The following INPP4B variants were observed in gnomAD, a reference collection of about 807,000 sequenced individuals.
INPP4B encodes inositol polyphosphate-4-phosphatase type II B.
A neutral mutation model predicts 122.5 loss-of-function variants in INPP4B; 55 were observed. The observed-to-expected ratio is 0.45, with a 90% confidence interval of 0.36 to 0.56. INPP4B has a LOEUF of 0.56. Among genes scored for constraint, INPP4B ranks in the 20% least tolerant of loss-of-function variants. INPP4B has a pLI of 0.00. For synonymous variants in INPP4B, 403 were observed against 388.7 expected, an observed-to-expected ratio of 1.04 and a Z score of -0.43; for missense variants, 1,000 against 1,097.7, an observed-to-expected ratio of 0.91 and a Z score of 1.26.
chr4:142,298,449 GGCCGA>G (rs141892775), intron 9 of INPP4B, among the ~76,000 whole-genome samples: 11,672 of 151,914 alleles, frequency 0.077, 582 homozygotes, highest in Middle Eastern at 0.15. Flanking sequence ...CACTTTGGGA[GGCCGA>G]GTTGGGTAGA....
chr4:142,737,228 T>G (rs1304456705), intron 1 of INPP4B, among the ~76,000 whole-genome samples: 1 of 152,122 alleles, frequency 6.6e-6, no homozygotes, highest in Non-Finnish European at 1.5e-5. Flanking sequence ...AAGGCTACAG[T>G]AACCAAAACA....
intron 2 of INPP4B, among the ~76,000 whole-genome samples, chr4:142,719,308 G>T (rs1764200283): frequency 6.6e-6 from 1 of 151,768 alleles, no homozygotes; most frequent in South Asian, 2.1e-4. Context: ...TTGAACATTG[G>T]CCAATACTAC....
intron 1 of INPP4B, among the ~76,000 whole-genome samples, chr4:142,814,123 C>G (rs1226988336): frequency 6.6e-6 from 1 of 152,138 alleles, no homozygotes; most frequent in Non-Finnish European, 1.5e-5. Context: ...GGGTGTTCCA[C>G]CATTACTGTG....
In INPP4B at chr4:142,666,567, C is replaced by T. The variant is rs544152765; in HGVS notation, c.-191+59272G>A. Among the ~76,000 whole-genome samples, 22 of 151,640 alleles carry T rather than the reference C, an allele frequency of 1.5e-4. No individual in the cohort carries two copies. The Middle Eastern group carries it at 0.014, about 94-fold the overall frequency. ...AATACAATATCAAGCAAAAAAGAACCCTACCAAATATTAGAATATCTCAAT... is the reference window on the plus strand; with the variant it reads ...AATACAATATCAAGCAAAAAAGAACTCTACCAAATATTAGAATATCTCAAT... On this transcript the variant is annotated intron_variant, in intron 2 of 25. Coordinates refer to ENST00000262992, the MANE Select transcript of INPP4B (RefSeq NM_001101669.3).
chr4:142,576,263 C>A (rs1222921054), intron 2 of INPP4B, among the ~76,000 whole-genome samples: 3 of 151,864 alleles, frequency 2.0e-5, no homozygotes, highest in Non-Finnish European at 4.4e-5. Flanking sequence ...TTGTAAAGGG[C>A]AGAAATAAAA....
chr4:142,314,167 G>A (rs1766603016), intron 8 of INPP4B, among the ~76,000 whole-genome samples: 1 of 152,188 alleles, frequency 6.6e-6, no homozygotes, highest in Non-Finnish European at 1.5e-5. Context: ...CCTTGTCTAA[G>A]CAGAAAGCAC....
At chr4:142,477,510 A>G (rs1580166020) in intron 2 of INPP4B, among the ~76,000 whole-genome samples, 1 of 152,166 alleles carries the variant, frequency 6.6e-6, no homozygotes, top group African/African-American at 2.4e-5. Flanking sequence ...TGAAAAATAA[A>G]TAAGAATAAA....
chr4:142,551,216 C>T (rs938593372), intron 2 of INPP4B, among the ~76,000 whole-genome samples: 2 of 152,204 alleles, frequency 1.3e-5, no homozygotes, highest in African/African-American at 4.8e-5. Context: ...TGTCCCCATA[C>T]TCAATCCATG....
intron 7 of INPP4B, among the ~76,000 whole-genome samples, chr4:142,362,175 G>A (rs994706775): frequency 3.3e-5 from 5 of 152,004 alleles, no homozygotes. Flanking sequence ...GCGTGGGTGG[G>A]AGCCAACTCA....
chr4:142,198,094 A>G (rs189702914), intron 14 of INPP4B, among the ~76,000 whole-genome samples: 2 of 151,968 alleles, frequency 1.3e-5, no homozygotes, highest in African/African-American at 4.8e-5. Flanking sequence ...CTAAACATTC[A>G]TTGTTAATTG....
intron 25 of INPP4B, among the ~76,000 whole-genome samples, chr4:142,072,475 A>G (rs1768040147): frequency 6.6e-6 from 1 of 151,320 alleles, no homozygotes; most frequent in Admixed American, 6.6e-5. Context: ...CTTAAAGGAT[A>G]ATAATAAAAA....
Position 142,055,462 on chromosome 4 carries a change from TC to T in INPP4B, c.2643-26549del, listed in dbSNP as rs1757116256. On this transcript the variant is annotated intron_variant, in intron 25 of 25. Coordinates refer to ENST00000262992, the MANE Select transcript of INPP4B (RefSeq NM_001101669.3). ...GTCATTGTCAAATAGGGAAGTTTTT[TC>T]CTATTGTTTATCTGATTCTTATATG... Among the ~76,000 whole-genome samples the T allele has an allele frequency of 2.0e-5, 3 of 152,068 alleles. No individual in the cohort carries two copies. In the South Asian group the frequency reaches 6.2e-4, roughly 31 times the overall value.
intron 2 of INPP4B, among the ~76,000 whole-genome samples, chr4:142,558,792 C>T (rs1455398071): frequency 4.0e-5 from 1 of 25,206 alleles, no homozygotes; most frequent in African/African-American, 1.4e-4. Flanking sequence ...AAGACTCCCT[C>T]TAAAAAAAAA....
chr4:142,538,410 C>T (rs1828539486), intron 2 of INPP4B, among the ~76,000 whole-genome samples: 1 of 151,938 alleles, frequency 6.6e-6, no homozygotes, highest in Admixed American at 6.6e-5. Context: ...GAATTATATG[C>T]ATGTGAGTAT....
intron 25 of INPP4B, among the ~76,000 whole-genome samples, chr4:142,038,105 T>C (rs1041212214): frequency 6.6e-6 from 1 of 152,172 alleles, no homozygotes; most frequent in Non-Finnish European, 1.5e-5. Context: ...CGAAATACTC[T>C]AGATAATTTG....
At chr4:142,703,740 G>A (rs746471498) in intron 2 of INPP4B, among the ~76,000 whole-genome samples, 2 of 152,160 alleles carry the variant, frequency 1.3e-5, no homozygotes, top group Non-Finnish European at 2.9e-5. Context: ...CTCTCTGAGG[G>A]CAGAATGCAT....
chr4:142,313,568 G>A (rs1038024198), intron 8 of INPP4B, among the ~76,000 whole-genome samples: 1 of 152,184 alleles, frequency 6.6e-6, no homozygotes, highest in Non-Finnish European at 1.5e-5. Context: ...CAGGCTGACA[G>A]AGGTCCATCT....
chr4:142,347,723 A>G (rs1216643182), intron 7 of INPP4B, among the ~76,000 whole-genome samples: 24 of 152,056 alleles, frequency 1.6e-4, no homozygotes, highest in Non-Finnish European at 1.3e-4. Flanking sequence ...AACATAAAAG[A>G]CTGAAAAGAA....
At chr4:142,112,461 T>C (rs2152704834) in intron 22 of INPP4B, 81 bp downstream of exon 22, 1 of 1,341,048 alleles carries the variant, frequency 7.5e-7, no homozygotes, top group Non-Finnish European at 1.0e-6. Context: ...TAGTTCTACA[T>C]GCAGATACAT....
Sources: gnomAD v4.1 joint callset for allele counts (sites outside exome capture counted in the v4.1 genomes callset) on GRCh38, gnomAD v4.1.1 for gene constraint, MANE v1.5 for transcripts, NCBI Gene and HGNC (gene_info 2026-07-23, HGNC 2026-07-21) for gene names.